The following PDE6H variants were observed in gnomAD, a reference collection of about 807,000 sequenced individuals.
The protein encoded by PDE6H is retinal cone rhodopsin-sensitive cGMP 3',5'-cyclic phosphodiesterase subunit gamma.
In PDE6H, 11 loss-of-function variants were observed where a neutral mutation model predicts 9.2. That is an observed-to-expected ratio of 1.19 (90% CI 0.75 to 1.97). The LOEUF is 1.97. Among genes scored for constraint, PDE6H ranks in the 30% most tolerant of loss-of-function variants. The pLI is 0.00. For missense variants in PDE6H, 98 were observed against 101.5 expected (o/e 0.97, Z 0.15); for synonymous variants, 36 against 33.6 (o/e 1.07, Z -0.25).
At position 14,977,984 on chromosome 12, in the gene PDE6H, G is replaced by C. The variant is rs114575851; in HGVS notation, c.-29G>C. The C allele has an allele frequency of 1.6e-3, 2,641 of 1,610,784 alleles. 45 individuals carry two copies. In the African/African-American group the frequency reaches 0.031, roughly 19 times the overall value. The stretch of plus-strand genomic sequence containing the variant: ...TTCACTGTCTAAGGAGGCTGAAAGG[G>C]AAACATCAGCCGCCCGGGGGGAGTT... On this transcript the variant is annotated 5_prime_UTR_variant, in exon 2 of 4. Coordinates refer to ENST00000266395, the MANE Select transcript of PDE6H (RefSeq NM_006205.3).
rs886049110 is a variant in PDE6H at position 14,981,610 on chromosome 12, G to C, written c.*134G>C. 1.4e-6 allele frequency: 1 copy of C among 712,012 alleles called. No individual in the cohort carries two copies. Among genetic ancestry groups the C allele is most frequent in the African/African-American group, 1.7e-5 (1 of 57,550 alleles). 44.1% of individuals were successfully genotyped at this position (712,012 alleles called of 1,614,324 possible). A position where few individuals can be genotyped will look rare whatever the true frequency, so the allele number is the denominator to read the frequency against. ...TGACTTTCAAGGTCATTCCCTATCAGTTACTACTAAGAGTTCTCTTACTGT... is the reference window on the plus strand; with the variant it reads ...TGACTTTCAAGGTCATTCCCTATCACTTACTACTAAGAGTTCTCTTACTGT... On this transcript the variant is annotated 3_prime_UTR_variant, in exon 4 of 4. Coordinates refer to ENST00000266395, the MANE Select transcript of PDE6H (RefSeq NM_006205.3).
intron 3 of PDE6H, 33 bp downstream of exon 3, chr12:14,979,252 G>A (rs766309946): frequency 2.5e-5 from 38 of 1,505,620 alleles, no homozygotes; most frequent in East Asian, 1.1e-4. Context: ...TGAGAACTTC[G>A]CACTTGGAGT....
intron 1 of PDE6H, among the ~76,000 whole-genome samples, chr12:14,973,916 G>C (rs944174870): frequency 6.6e-6 from 1 of 152,082 alleles, no homozygotes; most frequent in Non-Finnish European, 1.5e-5. Context: ...TATAGAGCTG[G>C]GCTTTGCTGT....
At chr12:14,976,428 CTGGAAGT>C in intron 1 of PDE6H, among the ~76,000 whole-genome samples, 1 of 152,118 alleles carries the variant, frequency 6.6e-6, no homozygotes, top group Non-Finnish European at 1.5e-5. Context: ...ACAGTATGGA[CTGGAAGT>C]TATAGAATAT....
chr12:14,973,424 C>T (rs891718340), intron 1 of PDE6H, among the ~76,000 whole-genome samples: 1 of 152,106 alleles, frequency 6.6e-6, no homozygotes, highest in Non-Finnish European at 1.5e-5. Context: ...CACTAAATAA[C>T]CACAGAGAAA....
chr12:14,981,244 C>T (rs1036331264), intron 3 of PDE6H, among the ~76,000 whole-genome samples, 156 bp from the exon 4 acceptor site: 2 of 152,242 alleles, frequency 1.3e-5, no homozygotes, highest in Non-Finnish European at 2.9e-5. Flanking sequence ...TTGGTCTGAT[C>T]CTTCCTGGGC....
chr12:14,980,247 G>A (rs928721357), intron 3 of PDE6H, among the ~76,000 whole-genome samples: 1 of 152,056 alleles, frequency 6.6e-6, no homozygotes, highest in African/African-American at 2.4e-5. Context: ...AGCTTTTCTG[G>A]ACTAGCTTCT....
chr12:14,981,160 A>G (rs910273845), intron 3 of PDE6H, among the ~76,000 whole-genome samples: 1 of 152,228 alleles, frequency 6.6e-6, no homozygotes, highest in African/African-American at 2.4e-5. Flanking sequence ...CCCCCAGTCA[A>G]CAGCTGTGGA....
intron 2 of PDE6H, 38 bp from the exon 3 acceptor site, chr12:14,979,141 C>A (rs1864641744): frequency 1.4e-6 from 2 of 1,477,326 alleles, no homozygotes; most frequent in South Asian, 1.1e-5. Context: ...TTCTTTTGCT[C>A]TAATCTCAGC....
At position 14,978,230 on chromosome 12, in the gene PDE6H, A is replaced by G. The variant is rs1004018157; in HGVS notation, c.134+84A>G. On this transcript the variant is annotated intron_variant, in intron 2 of 3. Transcript: ENST00000266395. ...TTTGTTTTGGGAAATTGGTGCTCAC[A>G]ATATTAAACAGACTTACAAAAATTT... is the stretch of plus-strand genomic sequence containing the variant. 4.0e-6 allele frequency: 5 copies of G among 1,261,782 alleles called. No individual in the cohort carries two copies. In the African/African-American group the frequency reaches 4.4e-5, roughly 11 times the overall value. 78.2% of individuals were successfully genotyped at this position (1,261,782 alleles called of 1,614,324 possible). A position where few individuals can be genotyped will look rare whatever the true frequency, so the allele number is the denominator to read the frequency against.
chr12:14,981,527 C>A lies in PDE6H; in HGVS notation c.*51C>A. 7.7e-7 allele frequency: 1 copy of A among 1,302,336 alleles called. No individual in the cohort carries two copies. The highest frequency in any genetic ancestry group is 1.1e-6 in the Non-Finnish European group (1 of 895,820). 80.7% of individuals were successfully genotyped at this position (1,302,336 alleles called of 1,614,324 possible). On this transcript the variant is annotated 3_prime_UTR_variant, in exon 4 of 4. Coordinates refer to ENST00000266395, the MANE Select transcript of PDE6H (RefSeq NM_006205.3). The stretch of plus-strand genomic sequence containing the variant: ...ATGACATCTGCTGTAATTTTGGTTG[C>A]TTTTGCCCTGTTGATCTGCCGGAGT...
chr12:14,979,282 C>G, intron 3 of PDE6H, 63 bp downstream of exon 3: 1 of 1,106,252 alleles, frequency 9.0e-7, no homozygotes, highest in East Asian at 2.4e-5. Flanking sequence ...TTATATACTT[C>G]AGGCCTCAAG....
At chr12:14,974,318 G>A (rs1464424735) in intron 1 of PDE6H, among the ~76,000 whole-genome samples, 1 of 152,188 alleles carries the variant, frequency 6.6e-6, no homozygotes, top group Non-Finnish European at 1.5e-5. Flanking sequence ...GCAGGAAAAG[G>A]TCAGAGGTGT....
chr12:14,980,657 C>T (rs1864668323), intron 3 of PDE6H, among the ~76,000 whole-genome samples: 1 of 152,146 alleles, frequency 6.6e-6, no homozygotes, highest in African/African-American at 2.4e-5. Context: ...AAGGTGCATA[C>T]AAGACCAGCA....
intron 3 of PDE6H, among the ~76,000 whole-genome samples, 181 bp from the exon 4 acceptor site, chr12:14,981,219 G>A (rs1385516881): frequency 1.3e-5 from 2 of 152,246 alleles, no homozygotes; most frequent in Admixed American, 1.3e-4. Flanking sequence ...GATGCCTGGT[G>A]CAACAATTAA....
At position 14,981,498 on chromosome 12, in the gene PDE6H, C is replaced by T; in HGVS notation, c.*22C>T. The T allele has an allele frequency of 6.4e-7, 1 of 1,556,166 alleles. No homozygotes were observed. The highest frequency in any genetic ancestry group is 8.9e-7 in the Non-Finnish European group (1 of 1,126,992). Reference sequence around the variant, plus strand: ...CTGAAGTGCCAGAGGTTCTGCCACTCTCAATGACATCTGCTGTAATTTTGG... The same window carrying T: ...CTGAAGTGCCAGAGGTTCTGCCACTTTCAATGACATCTGCTGTAATTTTGG... On this transcript the variant is annotated 3_prime_UTR_variant, in exon 4 of 4. Transcript: ENST00000266395.
At chr12:14,977,429 G>C (rs1415738965) in intron 1 of PDE6H, among the ~76,000 whole-genome samples, 1 of 152,332 alleles carries the variant, frequency 6.6e-6, no homozygotes, top group East Asian at 1.9e-4. Context: ...AAAGCTTAAA[G>C]AAATTGCAGA....
At chr12:14,973,110 G>A (rs1277738028) in intron 1 of PDE6H, 24 bp downstream of exon 1, 1 of 152,238 alleles carries the variant, frequency 6.6e-6, no homozygotes, top group Admixed American at 6.5e-5. Context: ...AACTTCTGGT[G>A]AATTTGAGCA....
At chr12:14,976,377 G>A (rs80272294) in intron 1 of PDE6H, among the ~76,000 whole-genome samples, 21 of 152,230 alleles carry the variant, frequency 1.4e-4, no homozygotes, top group Admixed American at 1.1e-3. Flanking sequence ...TCTTGGAGGC[G>A]AGGATAATAA....
Sources: gnomAD v4.1 joint callset for allele counts (sites outside exome capture counted in the v4.1 genomes callset) on GRCh38, gnomAD v4.1.1 for gene constraint, MANE v1.5 for transcripts, NCBI Gene and HGNC (gene_info 2026-07-23, HGNC 2026-07-21) for gene names.